RCC1L: variants seen among roughly 807,000 people sequenced by gnomAD.
RCC1L encodes RCC1 like.
Under a neutral mutation model 58.6 loss-of-function variants are expected in RCC1L, and 46 were observed. The ratio of observed to expected loss-of-function variants is 0.79; its 90% CI spans 0.62 to 1.00. The LOEUF (loss-of-function observed/expected upper bound fraction) is 1.00, where lower values mean the gene tolerates loss of function less well. RCC1L is among the 50% of genes least tolerant of loss of function. The pLI is 0.00. For missense variants in RCC1L, 636 were observed against 623.6 expected, an observed-to-expected ratio of 1.02 and a Z score of -0.21; for synonymous variants, 281 against 262.9, an observed-to-expected ratio of 1.07 and a Z score of -0.67.
intron 10 of RCC1L, among the ~76,000 whole-genome samples, chr7:75,036,906 A>AT (rs1805440563): frequency 6.6e-6 from 1 of 151,964 alleles, no homozygotes; most frequent in Admixed American, 6.6e-5. Flanking sequence ...CTGTCTCAAA[A>AT]ATATATATAT....
At chr7:75,043,220 CAGCTTGTCTCAGCAGG>C in intron 10 of RCC1L, 111 bp from the exon 11 acceptor site, 1 of 1,188,622 alleles carries the variant, frequency 8.4e-7, no homozygotes, top group Non-Finnish European at 1.2e-6. Flanking sequence ...CAGTAGGAGA[CAGCTTGTCTCAGCAGG>C]AGACAGCTTG....
chr7:75,052,224 G>A (rs1418917640), intron 10 of RCC1L, among the ~76,000 whole-genome samples: 2 of 152,138 alleles, frequency 1.3e-5, no homozygotes, highest in East Asian at 3.8e-4. Flanking sequence ...TCATTGTGAA[G>A]CATTCCCCCA....
chr7:75,066,522 C>T (rs1554445141), intron 3 of RCC1L, 142 bp downstream of exon 3: 16 of 1,064,102 alleles, frequency 1.5e-5, no homozygotes, highest in Non-Finnish European at 2.1e-5. Context: ...TTGAGCAATC[C>T]CACTGATCTG....
At chr7:75,048,018 G>A (rs1266208453) in intron 10 of RCC1L, among the ~76,000 whole-genome samples, 2 of 142,712 alleles carry the variant, frequency 1.4e-5, no homozygotes, top group Admixed American at 1.4e-4. Context: ...TGTAATCCCA[G>A]CACTTTGGGA....
chr7:75,068,948 C>T (rs917208710), intron 2 of RCC1L, among the ~76,000 whole-genome samples: 1 of 151,958 alleles, frequency 6.6e-6, no homozygotes, highest in African/African-American at 2.4e-5. Flanking sequence ...CGGCTCACTG[C>T]AACCTCTGCC....
At chr7:75,061,063 A>C (rs2131999432) in intron 6 of RCC1L, 144 bp downstream of exon 6, 1 of 777,402 alleles carries the variant, frequency 1.3e-6, no homozygotes, top group South Asian at 1.4e-5. Flanking sequence ...GATGGAGCCA[A>C]GAATAGTGTT....
At chr7:75,052,293 C>T (rs974760200) in intron 10 of RCC1L, among the ~76,000 whole-genome samples, 10 of 152,204 alleles carry the variant, frequency 6.6e-5, no homozygotes, top group East Asian at 5.8e-4. Context: ...TCCCCCTCTC[C>T]GGAGCCTCAT....
In RCC1L at chr7:75,064,729, G is replaced by T. The variant is rs1806402204; in HGVS notation, c.584-81C>A. ...GTGAGGACTGGAAGGGGTCTCGCTG[G>T]TGGTCCCGTCCTGGTTACTCACCCC... On this transcript the variant is annotated intron_variant, in intron 3 of 10. Transcript: ENST00000610322. 3 of 1,500,368 alleles carry T rather than the reference G, an allele frequency of 2.0e-6. No homozygotes were observed. The African/African-American group carries it at 4.1e-5, about 21-fold the overall frequency. 92.9% of individuals were successfully genotyped at this position (1,500,368 alleles called of 1,614,324 possible).
At chr7:75,057,387 G>A (rs1806114384) in intron 8 of RCC1L, 142 bp downstream of exon 8, 1 of 763,348 alleles carries the variant, frequency 1.3e-6, no homozygotes, top group African/African-American at 1.7e-5. Flanking sequence ...AAAGTGCTGG[G>A]ATTACAGATG....
chr7:75,070,859 C>T, intron 1 of RCC1L, 90 bp from the exon 2 acceptor site: 1 of 1,543,232 alleles, frequency 6.5e-7, no homozygotes, highest in Non-Finnish European at 8.8e-7. Context: ...AATCCAAGAA[C>T]ACATACTATT....
At chr7:75,064,693 G>A in intron 3 of RCC1L, 45 bp from the exon 4 acceptor site, 1 of 1,605,990 alleles carries the variant, frequency 6.2e-7, no homozygotes, top group Non-Finnish European at 8.5e-7. Context: ...AGGTTTGTGG[G>A]ATCCTAGAAT....
At chr7:75,035,042 T>C (rs1188574652) in intron 10 of RCC1L, among the ~76,000 whole-genome samples, 1 of 151,932 alleles carries the variant, frequency 6.6e-6, no homozygotes, top group African/African-American at 2.4e-5. Flanking sequence ...ATTTATGTAT[T>C]TATTTAGAGA....
At chr7:75,027,239 T>A (rs1260913986) in exon 11 of RCC1L, 3 of 152,282 alleles carry the variant, frequency 2.0e-5, no homozygotes, top group Non-Finnish European at 2.9e-5. Context: ...GCCTGTGACA[T>A]GGGACGTGGG....
At chr7:75,037,083 G>A (rs1230035781) in intron 10 of RCC1L, among the ~76,000 whole-genome samples, 3 of 152,182 alleles carry the variant, frequency 2.0e-5, no homozygotes, top group Non-Finnish European at 4.4e-5. Flanking sequence ...GGATTCAGCT[G>A]CCACTTGCTA....
chr7:75,052,818 G>A, intron 9 of RCC1L, 22 bp from the exon 10 acceptor site: 1 of 1,605,580 alleles, frequency 6.2e-7, no homozygotes. Context: ...GGAAAACAGG[G>A]GTTGGTTGGG....
intron 10 of RCC1L, among the ~76,000 whole-genome samples, chr7:75,029,744 T>C (rs1302406617): frequency 6.6e-6 from 1 of 152,084 alleles, no homozygotes; most frequent in Non-Finnish European, 1.5e-5. Context: ...GCCTGGAGCA[T>C]TGGAGACATT....
intron 10 of RCC1L, chr7:75,028,086 G>A: frequency 6.5e-7 from 1 of 1,531,038 alleles, no homozygotes; most frequent in Non-Finnish European, 8.7e-7. Flanking sequence ...GTGCCTGGCG[G>A]GGGAGGAAGA....
chr7:75,049,350 T>C (rs1805837620), intron 10 of RCC1L, among the ~76,000 whole-genome samples: 1 of 151,478 alleles, frequency 6.6e-6, no homozygotes, highest in Admixed American at 6.6e-5. Flanking sequence ...ATAAATAAAA[T>C]AAAACAAATA....
Position 75,073,742 on chromosome 7 carries a change from C to T in RCC1L, c.-5G>A, listed in dbSNP as rs1806867318. 7 of 1,501,310 alleles carry T rather than the reference C, an allele frequency of 4.7e-6. No homozygotes were observed. The highest frequency in any genetic ancestry group is 6.2e-6 in the Non-Finnish European group (7 of 1,132,648). The allele number at this position is 1,501,310 out of a possible 1,614,324, so 93.0% of individuals were successfully genotyped here. ...CACCAACGCCACCAGCGCCATCCTC[C>T]GTTCCGCGCCTCAGCAGCCTCTGGG... On this transcript the variant is annotated 5_prime_UTR_variant, in exon 1 of 11. Transcript: ENST00000610322.
Sources: allele counts gnomAD v4.1 joint callset (sites outside exome capture counted in the v4.1 genomes callset), GRCh38; gene constraint gnomAD v4.1.1; transcripts MANE v1.5; gene names NCBI Gene and HGNC (gene_info 2026-07-23, HGNC 2026-07-21).